ROBO2: variants seen among roughly 807,000 people sequenced by gnomAD.
ROBO2 encodes the protein roundabout guidance receptor 2.
A neutral mutation model predicts 160.8 loss-of-function variants in ROBO2; 53 were observed. That is an observed-to-expected ratio of 0.33 (90% CI 0.26 to 0.41). The LOEUF (loss-of-function observed/expected upper bound fraction) is 0.41. Among genes scored for constraint, ROBO2 ranks in the 10% least tolerant of loss-of-function variants. The probability of loss-of-function intolerance (pLI) is 1.00; values close to 1 mark genes in which losing one functional copy is unlikely to be tolerated. For missense variants in ROBO2, 1,577 were observed against 1,722.4 expected (o/e 0.92, Z 1.49); for synonymous variants, 664 against 611.7 (o/e 1.09, Z -1.26).
At chr3:77,603,455 ACCT>A (rs560603122) in intron 20 of ROBO2, among the ~76,000 whole-genome samples, 1 of 152,124 alleles carries the variant, frequency 6.6e-6, no homozygotes, top group South Asian at 2.1e-4. Context: ...CATTGATGTG[ACCT>A]CCTATTTTTG....
chr3:76,138,975 G>A (rs1467110966), intron 2 of ROBO2, among the ~76,000 whole-genome samples: 1 of 152,112 alleles, frequency 6.6e-6, no homozygotes. Flanking sequence ...CTCCAAGAAT[G>A]AGCCACAAGA....
intron 2 of ROBO2, among the ~76,000 whole-genome samples, chr3:76,098,068 G>T (rs1198060838): frequency 6.6e-6 from 1 of 152,058 alleles, no homozygotes; most frequent in Non-Finnish European, 1.5e-5. Context: ...TTAAGAGTGT[G>T]GTTCACTCTC....
intron 2 of ROBO2, among the ~76,000 whole-genome samples, chr3:75,994,046 A>G (rs568555486): frequency 6.6e-6 from 1 of 152,156 alleles, no homozygotes; most frequent in Admixed American, 6.5e-5. Context: ...TATTAAGAGT[A>G]TAAAGAAAGG....
At chr3:76,720,414 T>C (rs182783489) in intron 2 of ROBO2, among the ~76,000 whole-genome samples, 1 of 152,290 alleles carries the variant, frequency 6.6e-6, no homozygotes, top group African/African-American at 2.4e-5. Flanking sequence ...AGAAATAATG[T>C]TTGCCATTCA....
intron 2 of ROBO2, among the ~76,000 whole-genome samples, chr3:77,213,198 T>C (rs915315508): frequency 6.6e-6 from 1 of 152,210 alleles, no homozygotes; most frequent in Non-Finnish European, 1.5e-5. Context: ...TGTGAATCCA[T>C]CTGGTTCTGG....
At chr3:76,713,511 A>G in intron 2 of ROBO2, among the ~76,000 whole-genome samples, 1 of 152,172 alleles carries the variant, frequency 6.6e-6, no homozygotes, top group Non-Finnish European at 1.5e-5. Flanking sequence ...GTAGTTTAAT[A>G]TTCAAATGAG....
intron 2 of ROBO2, among the ~76,000 whole-genome samples, chr3:76,174,436 C>T (rs1431009040): frequency 1.3e-5 from 2 of 152,118 alleles, no homozygotes; most frequent in Non-Finnish European, 2.9e-5. Context: ...GACATCTTTG[C>T]CCATGCCTAT....
At chr3:76,075,578 T>C (rs2068622049) in intron 2 of ROBO2, among the ~76,000 whole-genome samples, 1 of 151,918 alleles carries the variant, frequency 6.6e-6, no homozygotes, top group Non-Finnish European at 1.5e-5. Context: ...GAATTAAATG[T>C]AACATTTTAC....
intron 2 of ROBO2, among the ~76,000 whole-genome samples, chr3:77,227,226 C>G (rs1036986626): frequency 6.6e-6 from 1 of 151,962 alleles, no homozygotes; most frequent in Non-Finnish European, 1.5e-5. Flanking sequence ...AAGCAAGAAA[C>G]ATGGGCTAAA....
intron 5 of ROBO2, among the ~76,000 whole-genome samples, chr3:77,518,108 C>A (rs1434046926): frequency 2.0e-5 from 3 of 151,378 alleles, no homozygotes; most frequent in Non-Finnish European, 4.4e-5. Flanking sequence ...GTAGTACTAT[C>A]AGTAGTAACT....
intron 2 of ROBO2, among the ~76,000 whole-genome samples, chr3:77,138,865 A>G (rs1423264737): frequency 6.6e-6 from 1 of 152,120 alleles, no homozygotes; most frequent in East Asian, 1.9e-4. Flanking sequence ...GGAGGAGAAA[A>G]CATCCTCATG....
At chr3:76,222,417 C>A (rs1009554840) in intron 2 of ROBO2, among the ~76,000 whole-genome samples, 15 of 152,114 alleles carry the variant, frequency 9.9e-5, no homozygotes, top group African/African-American at 3.4e-4. Context: ...TACATGTTGA[C>A]CTTGTGACTA....
chr3:76,555,153 CCTAGT>C (rs2083630547), intron 2 of ROBO2, among the ~76,000 whole-genome samples: 1 of 151,684 alleles, frequency 6.6e-6, no homozygotes, highest in Non-Finnish European at 1.5e-5. Flanking sequence ...TATAAAAATC[CCTAGT>C]CTATTCTATG....
rs1305335186 is a variant in ROBO2, at chr3:77,277,368, A to G, written c.388+179028A>G. 2.6e-5 allele frequency among the ~76,000 whole-genome samples: 4 copies of G among 151,972 alleles called. No individual in the cohort carries two copies. The East Asian group carries it at 7.8e-4, about 29-fold the overall frequency. On this transcript the variant is annotated intron_variant, in intron 2 of 25. Transcript: ENST00000461745. Reference sequence around the variant, plus strand: ...TTTGTTCCATAGGTAAATGTGTGCCATGGTGGTTTGCTGCACAGATCCACC... The same window carrying G: ...TTTGTTCCATAGGTAAATGTGTGCCGTGGTGGTTTGCTGCACAGATCCACC...
chr3:77,575,965 CTG>C (rs2093751659), intron 14 of ROBO2, among the ~76,000 whole-genome samples: 1 of 152,012 alleles, frequency 6.6e-6, no homozygotes, highest in Admixed American at 6.6e-5. Flanking sequence ...CTCAGCTGGG[CTG>C]TGTCTGGGAA....
intron 2 of ROBO2, among the ~76,000 whole-genome samples, chr3:76,078,506 C>T (rs1318614154): frequency 2.0e-5 from 3 of 152,202 alleles, no homozygotes; most frequent in Non-Finnish European, 2.9e-5. Flanking sequence ...GCTAGGACTA[C>T]AGACACACAC....
At chr3:76,971,224 C>G (rs2059556925) in intron 2 of ROBO2, among the ~76,000 whole-genome samples, 1 of 152,072 alleles carries the variant, frequency 6.6e-6, no homozygotes, top group South Asian at 2.1e-4. Context: ...TAATTAATTG[C>G]CCAGCATTTT....
intron 2 of ROBO2, among the ~76,000 whole-genome samples, chr3:77,473,272 C>T (rs2083545791): frequency 6.6e-6 from 1 of 151,572 alleles, no homozygotes; most frequent in Non-Finnish European, 1.5e-5. Context: ...TTTTACTGCA[C>T]CTGTGGCGGA....
At position 76,375,590 on chromosome 3, in the gene ROBO2, G is replaced by A. The variant is rs190276066; in HGVS notation, c.109+437988G>A. ...TATGAAGTAGAAATGAATATAAAGT[G>A]CTCAGGTAGCATACAAGGAAAGCAA... On this transcript the variant is annotated intron_variant, in intron 2 of 26. Transcript: ENST00000487694. Among the ~76,000 whole-genome samples, 622 of 152,012 alleles carry A rather than the reference G, an allele frequency of 4.1e-3. 5 individuals carry two copies. The highest frequency in any genetic ancestry group is 0.014 in the African/African-American group (600 of 41,498).
Sources: allele counts gnomAD v4.1 joint callset (sites outside exome capture counted in the v4.1 genomes callset), GRCh38; gene constraint gnomAD v4.1.1; transcripts MANE v1.5; gene names NCBI Gene and HGNC (gene_info 2026-07-23, HGNC 2026-07-21).